TMEM132D: variants seen among roughly 807,000 people sequenced by gnomAD.
The protein encoded by TMEM132D is transmembrane protein 132D, also known as mature OL transmembrane protein.
In TMEM132D, 21 loss-of-function variants were observed where a neutral mutation model predicts 62.3. That is an observed-to-expected ratio of 0.34 (90% CI 0.24 to 0.49). TMEM132D has a LOEUF of 0.49. Ranked by LOEUF, TMEM132D falls within the 20% of genes least tolerant of loss-of-function variation. TMEM132D has a pLI of 0.99. For synonymous variants in TMEM132D, 621 were observed against 575.6 expected (o/e 1.08, Z -1.13); for missense variants, 1,346 against 1,402.8 (o/e 0.96, Z 0.65).
chr12:129,352,434 C>G (rs1240368220), intron 3 of TMEM132D, among the ~76,000 whole-genome samples: 1 of 51,836 alleles, frequency 1.9e-5, no homozygotes, highest in Non-Finnish European at 3.7e-5. Flanking sequence ...CCTTTCACCA[C>G]TTTACTTTTT....
At chr12:129,812,630 G>A (rs546893060) in intron 1 of TMEM132D, among the ~76,000 whole-genome samples, 28 of 151,782 alleles carry the variant, frequency 1.8e-4, no homozygotes, top group Admixed American at 1.4e-3. Flanking sequence ...TCTCTTGACC[G>A]CTCAACAGCA....
At chr12:129,899,700 T>G (rs1274007729) in intron 1 of TMEM132D, among the ~76,000 whole-genome samples, 2 of 152,200 alleles carry the variant, frequency 1.3e-5, no homozygotes, top group Admixed American at 1.3e-4. Flanking sequence ...TATAACTAAG[T>G]TAAACAGATC....
At chr12:129,774,893 C>T (rs1209008287) in intron 1 of TMEM132D, among the ~76,000 whole-genome samples, 1 of 152,164 alleles carries the variant, frequency 6.6e-6, no homozygotes, top group Non-Finnish European at 1.5e-5. Flanking sequence ...ATCTGTGACT[C>T]GGTTTCCCCA....
intron 3 of TMEM132D, among the ~76,000 whole-genome samples, chr12:129,514,597 T>C (rs1875618144): frequency 6.6e-6 from 1 of 152,200 alleles, no homozygotes; most frequent in East Asian, 1.9e-4. Flanking sequence ...TGAATGAACA[T>C]GCAGGACTGT....
At chr12:129,177,775 A>C (rs1282338963) in intron 5 of TMEM132D, among the ~76,000 whole-genome samples, 1 of 152,124 alleles carries the variant, frequency 6.6e-6, no homozygotes, top group East Asian at 1.9e-4. Context: ...AATTTTTTTA[A>C]ATTTTAAGTT....
intron 2 of TMEM132D, among the ~76,000 whole-genome samples, chr12:129,631,120 G>A (rs1188815979): frequency 1.3e-5 from 2 of 152,096 alleles, no homozygotes; most frequent in Non-Finnish European, 2.9e-5. Flanking sequence ...GAGAACAATG[G>A]GGTGCAGAGA....
intron 3 of TMEM132D, among the ~76,000 whole-genome samples, chr12:129,373,299 A>G (rs1046198916): frequency 5.9e-5 from 9 of 152,196 alleles, no homozygotes; most frequent in African/African-American, 2.2e-4. Flanking sequence ...AAAAAGTTAG[A>G]AACAGACTGG....
At chr12:129,075,713 A>ATC (rs1047337845) in intron 8 of TMEM132D, among the ~76,000 whole-genome samples, 1 of 152,202 alleles carries the variant, frequency 6.6e-6, no homozygotes, top group African/African-American at 2.4e-5. Flanking sequence ...GAGAGTCTTC[A>ATC]TCTCTTCCTC....
intron 3 of TMEM132D, among the ~76,000 whole-genome samples, chr12:129,379,491 G>A (rs116323756): frequency 9.8e-4 from 149 of 152,336 alleles, no homozygotes; most frequent in African/African-American, 3.3e-3. Context: ...CACGTCTGTA[G>A]TGGTAATGAC....
chr12:129,228,769 C>G (rs1879552552), intron 4 of TMEM132D, among the ~76,000 whole-genome samples: 1 of 152,188 alleles, frequency 6.6e-6, no homozygotes, highest in South Asian at 2.1e-4. Context: ...AAAATCAATT[C>G]CGATGCTGTT....
chr12:129,757,558 G>A (rs1870210302), intron 1 of TMEM132D, among the ~76,000 whole-genome samples: 1 of 152,074 alleles, frequency 6.6e-6, no homozygotes, highest in African/African-American at 2.4e-5. Flanking sequence ...CGTGCCCAAA[G>A]CCAGCCCCAT....
At chr12:129,401,585 A>G (rs184012792) in intron 3 of TMEM132D, among the ~76,000 whole-genome samples, 1 of 152,180 alleles carries the variant, frequency 6.6e-6, no homozygotes, top group African/African-American at 2.4e-5. Context: ...AAAGAAAAGA[A>G]AAAGAAAAAG....
Position 129,075,073 on chromosome 12 carries a change from T to C in TMEM132D, c.2116-14A>G, listed in dbSNP as rs891416900. 3.8e-6 allele frequency: 6 copies of C among 1,589,122 alleles called. No individual in the cohort carries two copies. In the African/African-American group the frequency reaches 8.1e-5, roughly 21 times the overall value. The stretch of plus-strand genomic sequence containing the variant: ...GATGGCTGCTTCCTATGGAGAAAAA[T>C]ATGTAAGTTAATCAAATGGGCCAAA... On this transcript the variant is annotated splice_polypyrimidine_tract_variant and intron_variant, in intron 8 of 8. Transcript: ENST00000422113.
chr12:129,301,347 TG>T (rs1457537087), intron 4 of TMEM132D, among the ~76,000 whole-genome samples: 1 of 152,142 alleles, frequency 6.6e-6, no homozygotes, highest in Non-Finnish European at 1.5e-5. Context: ...TTATGAGCTA[TG>T]GGGGCTCAAA....
At chr12:129,321,768 C>T (rs1868718706) in intron 4 of TMEM132D, among the ~76,000 whole-genome samples, 1 of 152,132 alleles carries the variant, frequency 6.6e-6, no homozygotes, top group South Asian at 2.1e-4. Flanking sequence ...ACCGTGTTAG[C>T]CAGGGTGGTC....
At chr12:129,840,458 A>G (rs1873157586) in intron 1 of TMEM132D, 1 of 152,244 alleles carries the variant, frequency 6.6e-6, no homozygotes. Flanking sequence ...TTCCCCGGAA[A>G]TTAAAATACA....
chr12:129,675,007 A>G (rs1422352181), intron 2 of TMEM132D, among the ~76,000 whole-genome samples: 1 of 152,156 alleles, frequency 6.6e-6, no homozygotes, highest in Admixed American at 6.5e-5. Context: ...GTTTCCTCTC[A>G]ACAGCATCTA....
chr12:129,683,586 T>C lies in TMEM132D; in HGVS notation c.968+16224A>G, dbSNP rs538112176. On this transcript the variant is annotated intron_variant, in intron 2 of 8. Transcript: ENST00000422113. Reference sequence around the variant, plus strand: ...GATGTGATGAGGGGATATGAAGACATTCCATCTACAACCTGGGTGGACATT... The same window carrying C: ...GATGTGATGAGGGGATATGAAGACACTCCATCTACAACCTGGGTGGACATT... Among the ~76,000 whole-genome samples, 4 of 152,202 alleles carry C rather than the reference T, an allele frequency of 2.6e-5. No homozygotes were observed. The East Asian group carries it at 5.8e-4, about 22-fold the overall frequency.
At chr12:129,627,303 A>G (rs1368739430) in intron 2 of TMEM132D, among the ~76,000 whole-genome samples, 2 of 152,220 alleles carry the variant, frequency 1.3e-5, no homozygotes, top group Admixed American at 6.5e-5. Flanking sequence ...ATGCTTACAC[A>G]TGGAAATATT....
Sources: gnomAD v4.1 joint callset for allele counts (sites outside exome capture counted in the v4.1 genomes callset) on GRCh38, gnomAD v4.1.1 for gene constraint, MANE v1.5 for transcripts, NCBI Gene and HGNC (gene_info 2026-07-23, HGNC 2026-07-21) for gene names.